The following PKIB variants were observed in gnomAD, a reference collection of about 807,000 sequenced individuals.
The protein encoded by PKIB is PKI-beta.
In PKIB, 2 loss-of-function variants were observed where a neutral mutation model predicts 4.5. The ratio of observed to expected loss-of-function variants is 0.44; its 90% confidence interval spans 0.18 to 1.39. The LOEUF is 1.39. Among genes scored for constraint, PKIB ranks in the 40% most tolerant of loss-of-function variants. PKIB has a pLI of 0.27. For missense variants in PKIB, 94 were observed against 92.6 expected (o/e 1.02, Z -0.06); for synonymous variants, 38 against 36.0 (o/e 1.06, Z -0.20).
At chr6:122,527,111 C>A (rs920180082) in intron 2 of PKIB, among the ~76,000 whole-genome samples, 31 of 152,254 alleles carry the variant, frequency 2.0e-4, no homozygotes, top group African/African-American at 6.5e-4. Flanking sequence ...TTTTCTTCTG[C>A]AGTTTCCTCA....
At chr6:122,689,551 C>A (rs1057416093) in intron 3 of PKIB, among the ~76,000 whole-genome samples, 2 of 152,026 alleles carry the variant, frequency 1.3e-5, no homozygotes, top group African/African-American at 4.8e-5. Context: ...GTTTAATTTC[C>A]ATGTGTTTGT....
chr6:122,601,373 G>A (rs1199597911), intron 3 of PKIB, among the ~76,000 whole-genome samples: 5 of 152,024 alleles, frequency 3.3e-5, no homozygotes, highest in African/African-American at 1.2e-4. Context: ...AGAAATTAGA[G>A]AAAAAGAGTT....
At chr6:122,715,225 T>C (rs1779434999) in intron 3 of PKIB, among the ~76,000 whole-genome samples, 1 of 152,106 alleles carries the variant, frequency 6.6e-6, no homozygotes, top group Non-Finnish European at 1.5e-5. Flanking sequence ...TATTTAAATA[T>C]TTAAGATCGC....
At chr6:122,715,723 A>T (rs1289767122) in intron 3 of PKIB, among the ~76,000 whole-genome samples, 1 of 151,534 alleles carries the variant, frequency 6.6e-6, no homozygotes, top group African/African-American at 2.4e-5. Flanking sequence ...ATATACACAT[A>T]TTTTTCCCCC....
At chr6:122,689,220 C>T (rs1261903147) in intron 3 of PKIB, among the ~76,000 whole-genome samples, 1 of 151,996 alleles carries the variant, frequency 6.6e-6, no homozygotes, top group Non-Finnish European at 1.5e-5. Flanking sequence ...ACCGAATTTT[C>T]GTTTTATTGA....
intron 1 of PKIB, among the ~76,000 whole-genome samples, chr6:122,474,113 A>T (rs538925873): frequency 2.8e-3 from 430 of 152,368 alleles, no homozygotes; most frequent in African/African-American, 9.8e-3. Flanking sequence ...GGCCTAGGTG[A>T]TAAGAGCAAA....
chr6:122,472,321 C>G (rs1388041220), intron 1 of PKIB, among the ~76,000 whole-genome samples: 1 of 152,236 alleles, frequency 6.6e-6, no homozygotes, highest in Non-Finnish European at 1.5e-5. Flanking sequence ...CATCTGTGTG[C>G]TTCAGTTTCT....
At chr6:122,701,142 A>T (rs1012181597) in intron 3 of PKIB, 1 of 251,486 alleles carries the variant, frequency 4.0e-6, no homozygotes, top group Admixed American at 5.1e-5. Context: ...CAGCTCAGGA[A>T]GCAGCAGCAG....
chr6:122,589,611 C>T (rs529953948), intron 3 of PKIB, among the ~76,000 whole-genome samples: 1 of 152,070 alleles, frequency 6.6e-6, no homozygotes, highest in Admixed American at 6.6e-5. Flanking sequence ...GCACATTATC[C>T]AATAAAAGCT....
At chr6:122,471,999 G>A in exon 1 of PKIB, 1 of 782,014 alleles carries the variant, frequency 1.3e-6, no homozygotes, top group Non-Finnish European at 1.9e-6. Context: ...GAAACTTAAC[G>A]GCTAATGTGG....
chr6:122,696,130 A>T (rs537063996), intron 3 of PKIB, among the ~76,000 whole-genome samples: 135 of 152,334 alleles, frequency 8.9e-4, no homozygotes, highest in African/African-American at 3.1e-3. Flanking sequence ...TCTGTTTTTT[A>T]AAATCTAAAC....
intron 2 of PKIB, among the ~76,000 whole-genome samples, chr6:122,521,118 G>T (rs1776930580): frequency 6.6e-6 from 1 of 152,162 alleles, no homozygotes; most frequent in African/African-American, 2.4e-5. Context: ...TGCAGTTTTT[G>T]GTGCATCTCA....
intron 2 of PKIB, among the ~76,000 whole-genome samples, chr6:122,576,689 A>AAAATATATATATATATATAT (rs1345822382): frequency 1.2e-4 from 4 of 34,314 alleles, no homozygotes; most frequent in Non-Finnish European, 1.9e-4. Flanking sequence ...AAAAAAAAAA[A>AAAATATATATATATATATAT]ATATATATAT....
At chr6:122,612,339 T>C (rs1774794665) in intron 1 of PKIB, among the ~76,000 whole-genome samples, 1 of 152,180 alleles carries the variant, frequency 6.6e-6, no homozygotes, top group Non-Finnish European at 1.5e-5. Context: ...TTCTAAAAGT[T>C]GTAAAACCAT....
At chr6:122,534,462 A>G (rs1490423237) in intron 2 of PKIB, among the ~76,000 whole-genome samples, 1 of 152,058 alleles carries the variant, frequency 6.6e-6, no homozygotes, top group East Asian at 1.9e-4. Context: ...CTGAGTATCC[A>G]GCGTAAAAAG....
chr6:122,677,874 CCTTCCTTCCTTCCTTCCTTT>C (rs1324223612), intron 3 of PKIB, among the ~76,000 whole-genome samples: 2,194 of 78,142 alleles, frequency 0.028, 52 homozygotes, highest in African/African-American at 0.063. Flanking sequence ...TTCCTTCCTT[CCTTCCTTCCTTCCTTCCTTT>C]CTTTCTTTCT....
At chr6:122,668,068 T>C (rs542332154) in intron 2 of PKIB, among the ~76,000 whole-genome samples, 11 of 152,350 alleles carry the variant, frequency 7.2e-5, no homozygotes, top group African/African-American at 2.6e-4. Flanking sequence ...AGCTAATTTC[T>C]TGGTGTACAG....
Position 122,725,340 on chromosome 6 carries a change from T to G in PKIB, c.*145T>G. The G allele has an allele frequency of 1.5e-6, 1 of 645,596 alleles. No homozygotes were observed. Among genetic ancestry groups the G allele is most frequent in the South Asian group, 2.3e-5 (1 of 43,830 alleles). The allele number at this position is 645,596 out of a possible 1,614,324, so 40.0% of individuals were successfully genotyped here. On this transcript the variant is annotated 3_prime_UTR_variant, in exon 5 of 5. Coordinates refer to ENST00000368452, the MANE Select transcript of PKIB (RefSeq NM_181795.3). The stretch of plus-strand genomic sequence containing the variant: ...TGTATATTAGATAATTGTGTTGTGA[T>G]GCTACTCACTTTGATTGCAATGATG...
chr6:122,558,062 T>C (rs934964138), intron 2 of PKIB, among the ~76,000 whole-genome samples: 1 of 152,164 alleles, frequency 6.6e-6, no homozygotes, highest in Non-Finnish European at 1.5e-5. Context: ...TTGTTAGGAC[T>C]CCATGTTTCA....
Sources: allele counts gnomAD v4.1 joint callset (sites outside exome capture counted in the v4.1 genomes callset), GRCh38; gene constraint gnomAD v4.1.1; transcripts MANE v1.5; gene names NCBI Gene and HGNC (gene_info 2026-07-23, HGNC 2026-07-21).